NRN1L: variants seen among roughly 807,000 people sequenced by gnomAD.
The protein encoded by NRN1L is neuritin-like protein.
A neutral mutation model predicts 8.8 loss-of-function variants in NRN1L; 12 were observed. The observed-to-expected ratio is 1.36, with a 90% CI of 0.87 to 2.20. The LOEUF (loss-of-function observed/expected upper bound fraction) is 2.20, where lower values mean the gene tolerates loss of function less well. NRN1L is among the 30% of genes most tolerant of loss of function. The pLI is 0.00. For synonymous variants in NRN1L, 114 were observed against 99.2 expected (o/e 1.15, Z -0.88); for missense variants, 266 against 232.4 (o/e 1.14, Z -0.94).
chr16:67,885,798 T>C lies in NRN1L; in HGVS notation c.156T>C (p.Cys52=). 6.3e-7 allele frequency: 1 copy of C among 1,591,608 alleles called. No homozygotes were observed. Among genetic ancestry groups the C allele is most frequent in the Non-Finnish European group, 8.5e-7 (1 of 1,171,170 alleles). ...CDTIYQGFAE[C]LIRLGDSMGR... Reference sequence around the variant, plus strand: ...CCATATACCAGGGCTTCGCCGAGTGTCTCATCCGCTTGGGGGACAGCATGG... The same window carrying C: ...CCATATACCAGGGCTTCGCCGAGTGCCTCATCCGCTTGGGGGACAGCATGG... Residue 52 remains cysteine, a synonymous_variant, in exon 2 of 3, where the codon TGT becomes TGC. Coordinates refer to ENST00000339176, the MANE Select transcript of NRN1L (RefSeq NM_198443.2).
At chr16:67,885,062 C>T in intron 1 of NRN1L, 80 bp downstream of exon 1, 1 of 1,191,080 alleles carries the variant, frequency 8.4e-7, no homozygotes, top group East Asian at 2.4e-5. Context: ...TGTGTGGGAA[C>T]GCTGGGTGCC....
chr16:67,885,978 T>G lies in NRN1L; in HGVS notation c.217T>G (p.Trp73Gly), dbSNP rs759179404. The G allele has an allele frequency of 1.3e-5, 21 of 1,614,170 alleles. No homozygotes were observed. In the Middle Eastern group the frequency reaches 8.2e-4, roughly 63 times the overall value. Reference sequence around the variant, plus strand: ...CTAATCCCACTCCCTTAACAGGTCTTGGAATGACTTCCATGCCTGTGCCTC... The same window carrying G: ...CTAATCCCACTCCCTTAACAGGTCTGGGAATGACTTCCATGCCTGTGCCTC... ...GGELETICRS[W>G]NDFHACASQV... The change falls in exon 3 of 3, where the codon TGG (tryptophan) becomes GGG (glycine). Residue 73 changes from tryptophan to glycine, a missense_variant. Physicochemically the swap from Trp to Gly is radical, Grantham distance 184. Transcript: ENST00000339176.
Position 67,886,249 on chromosome 16 carries a change from C to A in NRN1L, c.488C>A (p.Pro163His). The A allele has an allele frequency of 6.3e-7, 1 of 1,591,300 alleles. No individual in the cohort carries two copies. ...AALALAYLLR[P>H]LA Reference sequence around the variant, plus strand: ...CTGGCTCTGGCCTACCTCCTGAGGCCTCTGGCCTAGCTTGTTGGGTTGGGT... The same window carrying A: ...CTGGCTCTGGCCTACCTCCTGAGGCATCTGGCCTAGCTTGTTGGGTTGGGT... Residue 163 changes from proline to histidine, a missense_variant, in exon 3 of 3, where the codon CCT becomes CAT. Physicochemically the swap from Pro to His is moderately conservative, Grantham distance 77. Coordinates refer to ENST00000339176, the MANE Select transcript of NRN1L (RefSeq NM_198443.2).
downstream of NRN1L, among the ~76,000 whole-genome samples, chr16:67,887,739 C>A (rs936019580): frequency 2.0e-5 from 3 of 152,074 alleles, no homozygotes; most frequent in Non-Finnish European, 4.4e-5. Flanking sequence ...CCCGCCACCA[C>A]GCCTGGCTAA....
chr16:67,885,713 C>CCCCGCA lies in NRN1L; in HGVS notation c.80-9_80-8insCCCGCA. 4 of 1,509,804 alleles carry CCCCGCA rather than the reference C, an allele frequency of 2.6e-6. No individual in the cohort carries two copies. The highest frequency in any genetic ancestry group is 3.6e-6 in the Non-Finnish European group (4 of 1,104,176). 93.5% of individuals were successfully genotyped at this position (1,509,804 alleles called of 1,614,324 possible). Reference sequence around the variant, plus strand: ...TTCCTTCCCCACCCCACCCCCGCCCCACTTCTAGTCCTTTTACCTCCCCTG... The same window carrying CCCCGCA: ...TTCCTTCCCCACCCCACCCCCGCCCCCCCGCAACTTCTAGTCCTTTTACCTCCCCTG... On this transcript the variant is annotated splice_polypyrimidine_tract_variant and intron_variant, in intron 1 of 2. Transcript: ENST00000339176.
At chr16:67,886,388 C>T (rs1306058843), downstream of NRN1L, 4 of 891,734 alleles carry the variant, frequency 4.5e-6, no homozygotes, top group South Asian at 5.5e-5. Flanking sequence ...TTCCTTTCTC[C>T]TGGCTGTGGC....
chr16:67,885,804 C>A lies in NRN1L; in HGVS notation c.162C>A (p.Ile54=). 2 of 1,582,640 alleles carry A rather than the reference C, an allele frequency of 1.3e-6. No individual in the cohort carries two copies. The highest frequency in any genetic ancestry group is 1.8e-5 in the Admixed American group (1 of 54,522). ...TIYQGFAECL[I]RLGDSMGRGG... The stretch of plus-strand genomic sequence containing the variant: ...ACCAGGGCTTCGCCGAGTGTCTCAT[C>A]CGCTTGGGGGACAGCATGGGCCGCG... Residue 54 remains isoleucine, a synonymous_variant, in exon 2 of 3, where the codon ATC becomes ATA. Coordinates refer to ENST00000339176, the MANE Select transcript of NRN1L (RefSeq NM_198443.2).
At chr16:67,885,901 G>C in intron 2 of NRN1L, 47 bp downstream of exon 2, 1 of 1,579,516 alleles carries the variant, frequency 6.3e-7, no homozygotes, top group East Asian at 2.2e-5. Flanking sequence ...CACCATTGGG[G>C]ACTGAACCTT....
chr16:67,887,644 G>A (rs149455207), downstream of NRN1L, among the ~76,000 whole-genome samples: 327 of 136,878 alleles, frequency 2.4e-3, 2 homozygotes, highest in African/African-American at 8.7e-3. Context: ...GTGCAATGGC[G>A]CGATCTCTGC....
At chr16:67,886,381 C>T, downstream of NRN1L, 1 of 928,180 alleles carries the variant, frequency 1.1e-6, no homozygotes, top group Non-Finnish European at 1.6e-6. Flanking sequence ...AAGCTCCTTC[C>T]TTTCTCCTGG....
At chr16:67,885,382 C>T in intron 1 of NRN1L, 1 of 465,604 alleles carries the variant, frequency 2.1e-6, no homozygotes, top group Non-Finnish European at 3.8e-6. Context: ...GCACCTGCTC[C>T]TGGTCCGGGG....
At position 67,885,753 on chromosome 16, in the gene NRN1L, G is replaced by A. The variant is rs115666575; in HGVS notation, c.111G>A (p.Ala37=). The change falls in exon 2 of 3, where the codon GCG becomes GCA. Residue 37 remains alanine, a synonymous_variant. Coordinates refer to ENST00000339176, the MANE Select transcript of NRN1L (RefSeq NM_198443.2). ...TACCTCCCCTGGCAGCAGCTGCAGC[G>A]GGCCCAAACCGATGTGACACCATAT... The part of the protein sequence containing the change: ...VLLPPLAAAA[A]GPNRCDTIYQ... 13 of 1,487,404 alleles carry A rather than the reference G, an allele frequency of 8.7e-6. No homozygotes were observed. The highest frequency in any genetic ancestry group is 5.8e-5 in the East Asian group (2 of 34,684). 92.1% of individuals were successfully genotyped at this position (1,487,404 alleles called of 1,614,324 possible).
intron 1 of NRN1L, 49 bp downstream of exon 1, chr16:67,885,031 C>A (rs1318996375): frequency 6.6e-7 from 1 of 1,526,628 alleles, no homozygotes; most frequent in Non-Finnish European, 9.0e-7. Context: ...CTCGCCCAGC[C>A]AAGCCAGGCT....
At chr16:67,885,693 T>TGGCCCCCCCCCCCC in intron 1 of NRN1L, 29 bp from the exon 2 acceptor site, 2 of 1,257,206 alleles carry the variant, frequency 1.6e-6, no homozygotes, top group Non-Finnish European at 1.1e-6. Context: ...TACCATTCCT[T>TGGCCCCCCCCCCCC]CCCCACCCCA....
In NRN1L at chr16:67,884,886, C is replaced by CT; in HGVS notation, c.-17dup. On this transcript the variant is annotated 5_prime_UTR_variant, in exon 1 of 3. Coordinates refer to ENST00000339176, the MANE Select transcript of NRN1L (RefSeq NM_198443.2). This position sits in a 1 kb window ranked among gnomAD's most constrained non-coding sequence, Gnocchi z 4.1. ...GCACTCCAAGCAGCTAGCTCCTGCA[C>CT]TAGGCTCTCAGCCAGGGATGATGCG... 1 of 1,602,492 alleles carries CT rather than the reference C, an allele frequency of 6.2e-7. No homozygotes were observed. Among genetic ancestry groups the CT allele is most frequent in the South Asian group, 1.1e-5 (1 of 91,046 alleles).
At position 67,884,957 on chromosome 16, in the gene NRN1L, G is replaced by C; in HGVS notation, c.54G>C (p.Leu18=). The C allele has an allele frequency of 6.2e-7, 1 of 1,608,428 alleles. No individual in the cohort carries two copies. The highest frequency in any genetic ancestry group is 8.5e-7 in the Non-Finnish European group (1 of 1,179,784). ...GCTGCCGGCAACCACCCCATGCCCT[G>C]AGGCCGTTGCTGTTGCTGCCCCTCG... ...RCCCRQPPHA[L]RPLLLLPLVL... is the part of the protein sequence containing the mutation. Residue 18 remains leucine (L), a synonymous_variant, in exon 1 of 3, where the codon CTG becomes CTC. Coordinates refer to ENST00000339176, the MANE Select transcript of NRN1L (RefSeq NM_198443.2). This position sits in a 1 kb window ranked among gnomAD's most constrained non-coding sequence, Gnocchi z 4.1.
chr16:67,885,619 C>A, intron 1 of NRN1L, 103 bp from the exon 2 acceptor site: 1 of 892,846 alleles, frequency 1.1e-6, no homozygotes, highest in Non-Finnish European at 1.7e-6. Flanking sequence ...TGAGTCACAT[C>A]CCCAGAGTGC....
downstream of NRN1L, among the ~76,000 whole-genome samples, chr16:67,887,224 G>A (rs910073831): frequency 6.6e-5 from 10 of 152,056 alleles, no homozygotes; most frequent in East Asian, 5.8e-4. Context: ...ATTACCCCAC[G>A]GTTTACAGAG....
chr16:67,885,026 C>G, intron 1 of NRN1L, 44 bp downstream of exon 1: 2 of 1,536,150 alleles, frequency 1.3e-6, no homozygotes, highest in African/African-American at 1.4e-5. Context: ...CCCTTCTCGC[C>G]CAGCCAAGCC....
Sources: allele counts gnomAD v4.1 joint callset (sites outside exome capture counted in the v4.1 genomes callset), GRCh38; gene constraint gnomAD v4.1.1; non-coding constraint Gnocchi (gnomAD v3.1); transcripts MANE v1.5; gene names NCBI Gene and HGNC (gene_info 2026-07-23, HGNC 2026-07-21).